Variants in TAF4B observed in about 807,000 individuals in gnomAD.
TAF4B encodes transcription initiation factor TFIID subunit 4B.
Under a neutral mutation model 86.4 loss-of-function variants are expected in TAF4B, and 38 were observed. The observed-to-expected ratio is 0.44, with a 90% CI of 0.34 to 0.58. The LOEUF (loss-of-function observed/expected upper bound fraction) is 0.58. TAF4B is among the 20% of genes least tolerant of loss of function. The pLI is 0.02. For missense variants in TAF4B, 988 were observed against 1,027.6 expected, an observed-to-expected ratio of 0.96 and a Z score of 0.53; for synonymous variants, 388 against 391.2, an observed-to-expected ratio of 0.99 and a Z score of 0.10.
rs544585486 is a variant in TAF4B, at chr18:26,358,635, G to A, written c.2421+841G>A. The stretch of plus-strand genomic sequence containing the variant: ...TGAGGCAGGAGAATGGCGTGAACCC[G>A]GAAGGCGGAGGTTACAGTTTGCCAA... On this transcript the variant is annotated intron_variant, in intron 14 of 14. Coordinates refer to ENST00000269142, the MANE Select transcript of TAF4B (RefSeq NM_005640.3). Among the ~76,000 whole-genome samples, 10 of 152,280 alleles carry A rather than the reference G, an allele frequency of 6.6e-5. No individual in the cohort carries two copies. The East Asian group carries it at 9.7e-4, about 15-fold the overall frequency.
chr18:26,359,743 A>C (rs925253059), intron 14 of TAF4B, among the ~76,000 whole-genome samples: 1 of 152,074 alleles, frequency 6.6e-6, no homozygotes, highest in Non-Finnish European at 1.5e-5. Context: ...TTATGTAGAG[A>C]TAGGTCTTGC....
chr18:26,342,658 C>T (rs1240045424), intron 13 of TAF4B, among the ~76,000 whole-genome samples: 7 of 152,132 alleles, frequency 4.6e-5, no homozygotes, highest in Non-Finnish European at 8.8e-5. Flanking sequence ...GTACCTAACA[C>T]CAGAAATAAA....
chr18:26,231,034 C>CTTTTTTTTTTTTTTTGTTTTTTTT (rs2055658444), intron 1 of TAF4B, among the ~76,000 whole-genome samples: 1 of 66,164 alleles, frequency 1.5e-5, no homozygotes, highest in Non-Finnish European at 2.8e-5. Context: ...TGTTGTTTTG[C>CTTTTTTTTTTTTTTTGTTTTTTTT]TTTTTTTTTT....
At chr18:26,285,222 G>GTTTTTGTTTTTTTTTTTTTTTTTTTTTTT in intron 6 of TAF4B, among the ~76,000 whole-genome samples, 8 of 45,660 alleles carry the variant, frequency 1.8e-4, no homozygotes, top group East Asian at 1.1e-3. Flanking sequence ...TTTTTTTTTT[G>GTTTTTGTTTTTTTTTTTTTTTTTTTTTTT]TTTTTTTTTT....
At chr18:26,247,504 A>G (rs2055944413) in intron 1 of TAF4B, among the ~76,000 whole-genome samples, 1 of 152,148 alleles carries the variant, frequency 6.6e-6, no homozygotes, top group Admixed American at 6.5e-5. Context: ...TACTGTAGAA[A>G]ATTTGGAAAA....
At chr18:26,348,209 A>T (rs1010205583) in intron 13 of TAF4B, 1 of 152,228 alleles carries the variant, frequency 6.6e-6, no homozygotes, top group Non-Finnish European at 1.5e-5. Context: ...TCAAAATCAT[A>T]TCCTAAGTAT....
intron 1 of TAF4B, among the ~76,000 whole-genome samples, chr18:26,254,691 T>G (rs981635452): frequency 6.6e-6 from 1 of 152,236 alleles, no homozygotes; most frequent in African/African-American, 2.4e-5. Flanking sequence ...AATGCTTTGG[T>G]ACTATTTATA....
rs201415170 is a variant in TAF4B, at chr18:26,372,650, C to T, written c.2421+14856C>T. Among the ~76,000 whole-genome samples, 17 of 152,062 alleles carry T rather than the reference C, an allele frequency of 1.1e-4. No individual in the cohort carries two copies. The East Asian group carries it at 3.3e-3, about 29-fold the overall frequency. ...ATTTTGCCTATCCGTTATGTTAATA[C>T]CATGCTGATTGACCTGGTGATCAAA... is the stretch of plus-strand genomic sequence containing the variant. On this transcript the variant is annotated intron_variant, in intron 14 of 14. Transcript: ENST00000269142.
At position 26,226,695 on chromosome 18, in the gene TAF4B, C is replaced by T. The variant is rs576976255; in HGVS notation, c.-239C>T. 2.3e-5 allele frequency: 9 copies of T among 390,942 alleles called. No individual in the cohort carries two copies. Among genetic ancestry groups the T allele is most frequent in the Non-Finnish European group, 3.6e-5 (8 of 222,294 alleles). The allele number at this position is 390,942 out of a possible 1,614,324, so 24.2% of individuals were successfully genotyped here. On this transcript the variant is annotated 5_prime_UTR_variant, in exon 1 of 15. Coordinates refer to ENST00000269142, the MANE Select transcript of TAF4B (RefSeq NM_005640.3). ...CGCCGCTGAGGAAGCTGCGAGAGGTCGGGCGGGTGTCGCTCCGGGGGCAGC... is the reference window on the plus strand; with the variant it reads ...CGCCGCTGAGGAAGCTGCGAGAGGTTGGGCGGGTGTCGCTCCGGGGGCAGC...
chr18:26,360,508 A>T (rs2057321351), intron 14 of TAF4B, among the ~76,000 whole-genome samples: 1 of 151,846 alleles, frequency 6.6e-6, no homozygotes, highest in Non-Finnish European at 1.5e-5. Flanking sequence ...TTTCATTTTT[A>T]TTTTTGTCTT....
chr18:26,244,918 C>T (rs976161758), intron 1 of TAF4B, among the ~76,000 whole-genome samples: 1 of 152,154 alleles, frequency 6.6e-6, no homozygotes, highest in Non-Finnish European at 1.5e-5. Flanking sequence ...GAGTTCCGCT[C>T]ACTGCTGCAG....
intron 14 of TAF4B, among the ~76,000 whole-genome samples, chr18:26,378,712 T>C (rs2057459056): frequency 6.6e-6 from 1 of 152,168 alleles, no homozygotes; most frequent in Admixed American, 6.5e-5. Context: ...TTTTACCACC[T>C]GCAACCCCCT....
intron 12 of TAF4B, among the ~76,000 whole-genome samples, chr18:26,328,543 C>G (rs1411090139): frequency 6.6e-6 from 1 of 152,134 alleles, no homozygotes; most frequent in East Asian, 1.9e-4. Flanking sequence ...CAAAACTGTA[C>G]AAAGTACTCT....
At position 26,274,651 on chromosome 18, in the gene TAF4B, C is replaced by G; in HGVS notation, c.598-12C>G. On this transcript the variant is annotated splice_polypyrimidine_tract_variant and intron_variant, in intron 3 of 14. Coordinates refer to ENST00000269142, the MANE Select transcript of TAF4B (RefSeq NM_005640.3). ...TAATACATGCCTAAATATTTAATAC[C>G]TTTAATTTCAGTCTGTGGCTGTGCC... The G allele has an allele frequency of 6.2e-7, 1 of 1,613,994 alleles. No individual in the cohort carries two copies. The highest frequency in any genetic ancestry group is 1.3e-5 in the African/African-American group (1 of 75,032).
In TAF4B at chr18:26,267,637, G is replaced by C. The variant is rs751167051; in HGVS notation, c.597+14G>C. On this transcript the variant is annotated intron_variant, in intron 3 of 14. Coordinates refer to ENST00000269142, the MANE Select transcript of TAF4B (RefSeq NM_005640.3). The stretch of plus-strand genomic sequence containing the variant: ...TCCTCAGTACAAGTAAGTTGTGCTG[G>C]CCATTCGTGCACTTGTTGTTCTCTT... 8 of 1,542,288 alleles carry C rather than the reference G, an allele frequency of 5.2e-6. No individual in the cohort carries two copies. The African/African-American group carries it at 6.8e-5, about 13-fold the overall frequency.
chr18:26,285,222 GTTTTTT>G (rs776976703), intron 6 of TAF4B, among the ~76,000 whole-genome samples: 7 of 45,664 alleles, frequency 1.5e-4, no homozygotes, highest in Non-Finnish European at 3.1e-4. Flanking sequence ...TTTTTTTTTT[GTTTTTT>G]TTTTTTTTGG....
chr18:26,390,094 ATTTCT>A lies in TAF4B; in HGVS notation c.*83_*87del. The A allele has an allele frequency of 1.4e-6, 2 of 1,386,868 alleles. No homozygotes were observed. The highest frequency in any genetic ancestry group is 1.9e-6 in the Non-Finnish European group (2 of 1,030,892). 85.9% of individuals were successfully genotyped at this position (1,386,868 alleles called of 1,614,324 possible). ...ATTGTTGCACTGTCCTGAAATTTCA[ATTTCT>A]GGAAAATAATCACCAACATGAAAGA... is the stretch of plus-strand genomic sequence containing the variant. On this transcript the variant is annotated 3_prime_UTR_variant, in exon 15 of 15. Coordinates refer to ENST00000269142, the MANE Select transcript of TAF4B (RefSeq NM_005640.3).
At chr18:26,302,469 G>T (rs1367826381) in intron 9 of TAF4B, among the ~76,000 whole-genome samples, 1 of 137,138 alleles carries the variant, frequency 7.3e-6, no homozygotes, top group Non-Finnish European at 1.5e-5. Context: ...CAAATTCCTG[G>T]ACTCAAACAA....
At chr18:26,372,843 G>GC (rs56098536) in intron 14 of TAF4B, among the ~76,000 whole-genome samples, 140,853 of 151,138 alleles carry the variant, frequency 0.93, 65,940 homozygotes, top group East Asian at 0.99. Context: ...AGTGGCGGGT[G>GC]CTGTAGTCCC....
Sources: allele counts gnomAD v4.1 joint callset (sites outside exome capture counted in the v4.1 genomes callset), GRCh38; gene constraint gnomAD v4.1.1; transcripts MANE v1.5; gene names NCBI Gene and HGNC (gene_info 2026-07-23, HGNC 2026-07-21).